The following ZNF664 variants were observed in gnomAD, a reference collection of about 807,000 sequenced individuals.
ZNF664 encodes the protein zinc finger Organ of Corti 1.
Under a neutral mutation model 18.2 loss-of-function variants are expected in ZNF664, and 10 were observed. The ratio of observed to expected loss-of-function variants is 0.55; its 90% CI spans 0.34 to 0.93. ZNF664 has a LOEUF of 0.93. Ranked by LOEUF, ZNF664 falls within the 40% of genes least tolerant of loss-of-function variation. The probability of loss-of-function intolerance (pLI) is 0.02; values close to 1 mark genes in which losing one functional copy is unlikely to be tolerated. For missense variants in ZNF664, 193 were observed against 319.0 expected, an observed-to-expected ratio of 0.61 and a Z score of 3.01; for synonymous variants, 119 against 104.2, an observed-to-expected ratio of 1.14 and a Z score of -0.86.
intron 2 of ZNF664, among the ~76,000 whole-genome samples, chr12:123,980,954 A>G (rs868793403): frequency 3.3e-5 from 5 of 152,212 alleles, no homozygotes; most frequent in African/African-American, 1.2e-4. Context: ...GTTAAAGCCA[A>G]TGAATAAATT....
chr12:123,988,511 T>C (rs1005810543), intron 3 of ZNF664, among the ~76,000 whole-genome samples: 2 of 152,202 alleles, frequency 1.3e-5, no homozygotes, highest in African/African-American at 4.8e-5. Flanking sequence ...TTTGTCTTTT[T>C]CTTCTGTTGT....
chr12:123,974,225 A>G, intron 2 of ZNF664: 1 of 404,064 alleles, frequency 2.5e-6, no homozygotes, highest in Admixed American at 4.4e-5. Context: ...TCCTTTGTGA[A>G]ACCTTTCTTG....
At chr12:123,987,877 C>CA in intron 2 of ZNF664, 166 bp from the exon 3 acceptor site, 1 of 841,292 alleles carries the variant, frequency 1.2e-6, no homozygotes, top group Middle Eastern at 6.2e-4. Context: ...TTTGGACCTC[C>CA]ATGCCTTGAA....
chr12:123,985,041 G>C (rs1027886056), intron 2 of ZNF664, among the ~76,000 whole-genome samples: 5 of 152,026 alleles, frequency 3.3e-5, no homozygotes, highest in Admixed American at 1.3e-4. Context: ...ATTTGACTCT[G>C]AGAGCAGTTT....
intron 2 of ZNF664, among the ~76,000 whole-genome samples, chr12:123,982,497 G>A (rs1455313906): frequency 6.6e-6 from 1 of 152,130 alleles, no homozygotes; most frequent in Non-Finnish European, 1.5e-5. Flanking sequence ...GACCCCAGGT[G>A]GTCACTCTGG....
At chr12:123,980,950 G>A (rs924789479) in intron 2 of ZNF664, among the ~76,000 whole-genome samples, 7 of 151,918 alleles carry the variant, frequency 4.6e-5, no homozygotes, top group African/African-American at 1.7e-4. Context: ...TTTGGTTAAA[G>A]CCAATGAATA....
rs564278550 is a variant in ZNF664, at chr12:123,989,111, A to G, written c.-661+973A>G. Among the ~76,000 whole-genome samples, 4 of 152,192 alleles carry G rather than the reference A, an allele frequency of 2.6e-5. No individual in the cohort carries two copies. In the East Asian group the frequency reaches 7.7e-4, roughly 29 times the overall value. ...GGATTGGCTGTGGGAGGTAAAGGATATTGTGTTGGCCTCTGTCCTAGTGGG... is the reference window on the plus strand; with the variant it reads ...GGATTGGCTGTGGGAGGTAAAGGATGTTGTGTTGGCCTCTGTCCTAGTGGG... On this transcript the variant is annotated intron_variant, in intron 3 of 4. Coordinates refer to ENST00000337815, the MANE Select transcript of ZNF664 (RefSeq NM_152437.3).
intron 3 of ZNF664, among the ~76,000 whole-genome samples, chr12:124,004,533 T>G (rs1957048240): frequency 6.6e-6 from 1 of 152,274 alleles, no homozygotes; most frequent in African/African-American, 2.4e-5. Flanking sequence ...AACACTGTTG[T>G]ATTCTTTCTT....
intron 2 of ZNF664, among the ~76,000 whole-genome samples, chr12:123,977,785 A>G (rs1263798484): frequency 1.3e-5 from 2 of 152,234 alleles, no homozygotes; most frequent in African/African-American, 4.8e-5. Context: ...TAAAATATCC[A>G]TACAGGTCAA....
At chr12:124,008,544 TG>T (rs1276232609) in intron 3 of ZNF664, among the ~76,000 whole-genome samples, 2 of 152,198 alleles carry the variant, frequency 1.3e-5, no homozygotes, top group Non-Finnish European at 2.9e-5. Flanking sequence ...GTTGTTTCTT[TG>T]TCTTGAAAGA....
chr12:123,980,677 A>G (rs1439837665), intron 2 of ZNF664, among the ~76,000 whole-genome samples: 2 of 152,192 alleles, frequency 1.3e-5, no homozygotes, highest in Admixed American at 1.3e-4. Context: ...ACACAATTGT[A>G]TACCTGATAT....
Position 124,013,956 on chromosome 12 carries a change from T to C in ZNF664, c.*1026T>C, listed in dbSNP as rs1957162861. 1.2e-5 allele frequency: 2 copies of C among 167,148 alleles called. No individual in the cohort carries two copies. Among genetic ancestry groups the C allele is most frequent in the Non-Finnish European group, 2.9e-5 (2 of 68,152 alleles). The allele number at this position is 167,148 out of a possible 1,614,324, so 10.4% of individuals were successfully genotyped here. A position where few individuals can be genotyped will look rare whatever the true frequency, so the allele number is the denominator to read the frequency against. On this transcript the variant is annotated 3_prime_UTR_variant, in exon 5 of 5. Transcript: ENST00000337815. ...ATGAACGTCTTTATTAATCCATCAT[T>C]CTTTTCTTCATTCAACAAATATGTA... is the stretch of plus-strand genomic sequence containing the variant.
At chr12:123,987,284 T>G (rs1311877920) in intron 2 of ZNF664, among the ~76,000 whole-genome samples, 2 of 152,188 alleles carry the variant, frequency 1.3e-5, no homozygotes, top group African/African-American at 2.4e-5. Flanking sequence ...TTCCTTAATA[T>G]ATCATAACTC....
At chr12:124,000,442 T>C (rs1956998319) in intron 3 of ZNF664, among the ~76,000 whole-genome samples, 1 of 152,192 alleles carries the variant, frequency 6.6e-6, no homozygotes, top group African/African-American at 2.4e-5. Flanking sequence ...CTGTCTCCAT[T>C]GGCCCTTTCT....
Position 124,006,165 on chromosome 12 carries a change from G to T in ZNF664, c.-660-5216G>T, listed in dbSNP as rs1461244968. On this transcript the variant is annotated intron_variant, in intron 3 of 4. Transcript: ENST00000337815. ...TCCAGCCTGTGTTGAATATAATCCA[G>T]TTCATAGTCCACTTTGTGGAACATC... 3 of 152,286 alleles carry T rather than the reference G, an allele frequency of 2.0e-5. No individual in the cohort carries two copies. The East Asian group carries it at 5.8e-4, about 29-fold the overall frequency. 9.4% of individuals were successfully genotyped at this position (152,286 alleles called of 1,614,324 possible). A position where few individuals can be genotyped will look rare whatever the true frequency, so the allele number is the denominator to read the frequency against.
intron 3 of ZNF664, among the ~76,000 whole-genome samples, chr12:123,995,725 T>C (rs1956940820): frequency 6.6e-6 from 1 of 152,180 alleles, no homozygotes; most frequent in Non-Finnish European, 1.5e-5. Context: ...GGTTCATAGT[T>C]GTAGGAACTG....
intron 2 of ZNF664, among the ~76,000 whole-genome samples, chr12:123,979,275 T>G (rs1956732405): frequency 6.6e-6 from 1 of 152,206 alleles, no homozygotes; most frequent in South Asian, 2.1e-4. Flanking sequence ...AGGATATGAA[T>G]AGTTCTTAGA....
At chr12:123,997,071 T>C (rs964673745) in intron 3 of ZNF664, among the ~76,000 whole-genome samples, 1 of 152,300 alleles carries the variant, frequency 6.6e-6, no homozygotes, top group African/African-American at 2.4e-5. Context: ...AAATAAAGAT[T>C]TTCTATGAAA....
At chr12:124,000,047 G>A (rs539134136) in intron 3 of ZNF664, among the ~76,000 whole-genome samples, 343 of 152,346 alleles carry the variant, frequency 2.3e-3, no homozygotes, top group Non-Finnish European at 3.5e-3. Flanking sequence ...AGGAAGGCCC[G>A]TTTGTCCTTT....
Sources: gnomAD v4.1 joint callset for allele counts (sites outside exome capture counted in the v4.1 genomes callset) on GRCh38, gnomAD v4.1.1 for gene constraint, MANE v1.5 for transcripts, NCBI Gene and HGNC (gene_info 2026-07-23, HGNC 2026-07-21) for gene names.